Variants in DHX15 observed in about 807,000 individuals in gnomAD.
DHX15 encodes the protein ATP-dependent RNA helicase DHX15.
DHX15 carries 11 observed loss-of-function variants against 94.4 expected under a neutral mutation model. That is an observed-to-expected ratio of 0.12 (90% CI 0.07 to 0.19). The LOEUF (loss-of-function observed/expected upper bound fraction) is 0.19, where lower values mean the gene tolerates loss of function less well. Among genes scored for constraint, DHX15 ranks in the 10% least tolerant of loss-of-function variants. DHX15 has a pLI of 1.00. For synonymous variants in DHX15, 338 were observed against 329.9 expected, an observed-to-expected ratio of 1.02 and a Z score of -0.27; for missense variants, 304 against 988.5, an observed-to-expected ratio of 0.31 and a Z score of 9.29.
chr4:24,575,046 A>C (rs943887421), intron 2 of DHX15, among the ~76,000 whole-genome samples: 2 of 152,182 alleles, frequency 1.3e-5, no homozygotes, highest in South Asian at 2.1e-4. Flanking sequence ...GATCCCAGCT[A>C]CTTGGGAGGC....
intron 10 of DHX15, chr4:24,539,252 A>G (rs1314803697): frequency 6.6e-6 from 1 of 152,170 alleles, no homozygotes; most frequent in Non-Finnish European, 1.5e-5. Context: ...TATTTGCAGC[A>G]TTAAGTTCAA....
At chr4:24,574,408 A>G (rs1289759349) in intron 2 of DHX15, among the ~76,000 whole-genome samples, 2 of 152,036 alleles carry the variant, frequency 1.3e-5, no homozygotes, top group East Asian at 3.9e-4. Context: ...ATGTGCTGCA[A>G]TCCTCAGTAT....
In DHX15 at chr4:24,584,418, T is replaced by C; in HGVS notation, c.-25A>G. On this transcript the variant is annotated 5_prime_UTR_variant, in exon 1 of 14. It adds an upstream start codon to the 5' untranslated region. Transcript: ENST00000336812. The stretch of plus-strand genomic sequence containing the variant: ...TCCTCGCACTCTTCGAACGGGCAGT[T>C]ATTAAGGAAGAAAGCTGGCTGCTGT... 6.2e-7 allele frequency: 1 copy of C among 1,607,112 alleles called. No individual in the cohort carries two copies. Among genetic ancestry groups the C allele is most frequent in the Non-Finnish European group, 8.5e-7 (1 of 1,177,142 alleles).
intron 5 of DHX15, among the ~76,000 whole-genome samples, chr4:24,553,182 A>G (rs1721649516): frequency 6.6e-6 from 1 of 152,114 alleles, no homozygotes; most frequent in South Asian, 2.1e-4. Context: ...TTAGTTGGGC[A>G]TGGTGGCGCA....
intron 8 of DHX15, among the ~76,000 whole-genome samples, chr4:24,541,512 T>G (rs1310610572): frequency 6.6e-6 from 1 of 151,838 alleles, no homozygotes; most frequent in Non-Finnish European, 1.5e-5. Flanking sequence ...TGAAAGTTAG[T>G]AAGGAAAGAA....
Position 24,554,929 on chromosome 4 carries a change from G to A in DHX15, c.876C>T (p.Ser292=), listed in dbSNP as rs201386143. 67 of 1,612,986 alleles carry A rather than the reference G, an allele frequency of 4.2e-5. 1 individual carries two copies. The African/African-American group carries it at 4.8e-4, about 12-fold the overall frequency. The part of the protein sequence containing the change: ...QRSDLKVIVM[S]ATLDAGKFQI... ...GGAATTTTCCTGCATCTAGAGTAGC[G>A]CTCATAACTATAACCTGAAAGAAAA... Residue 292 remains serine (S), a synonymous_variant, in exon 5 of 14, where the codon AGC becomes AGT. Coordinates refer to ENST00000336812, the MANE Select transcript of DHX15 (RefSeq NM_001358.3).
At chr4:24,553,358 AAAATAT>A (rs1721654668) in intron 5 of DHX15, among the ~76,000 whole-genome samples, 1 of 152,068 alleles carries the variant, frequency 6.6e-6, no homozygotes, top group African/African-American at 2.4e-5. Context: ...AATAAAAATA[AAAATAT>A]ACTATGCACT....
At chr4:24,579,870 A>G (rs1167626683) in intron 1 of DHX15, among the ~76,000 whole-genome samples, 2 of 152,080 alleles carry the variant, frequency 1.3e-5, no homozygotes, top group African/African-American at 4.8e-5. Flanking sequence ...GTTTCAAGCG[A>G]TTCTCCTGCC....
chr4:24,574,205 C>CAAAAAAAAAAAAAAA (rs61031930), intron 2 of DHX15, among the ~76,000 whole-genome samples: 2,440 of 68,708 alleles, frequency 0.036, 337 homozygotes, highest in Non-Finnish European at 0.046. Context: ...GACTTTGTCT[C>CAAAAAAAAAAAAAAA]AAAAAAAAAA....
chr4:24,559,017 G>A (rs1040107808), intron 3 of DHX15, among the ~76,000 whole-genome samples: 6 of 152,104 alleles, frequency 3.9e-5, no homozygotes, highest in African/African-American at 1.2e-4. Flanking sequence ...ACCTATCAAC[G>A]TGACATTACT....
intron 3 of DHX15, among the ~76,000 whole-genome samples, chr4:24,557,292 G>A (rs1291426251): frequency 6.6e-6 from 1 of 152,154 alleles, no homozygotes; most frequent in South Asian, 2.1e-4. Context: ...AACACAGGAT[G>A]CCTTTAGATG....
chr4:24,577,868 A>C (rs980575264), intron 1 of DHX15, among the ~76,000 whole-genome samples: 1 of 152,208 alleles, frequency 6.6e-6, no homozygotes, highest in Non-Finnish European at 1.5e-5. Flanking sequence ...AATTTGCCTC[A>C]AGATCTTTAA....
intron 6 of DHX15, among the ~76,000 whole-genome samples, chr4:24,547,378 C>T (rs576217767): frequency 3.5e-4 from 53 of 152,190 alleles, no homozygotes; most frequent in Non-Finnish European, 5.3e-4. Context: ...ACAAAATTCT[C>T]CTCAGCATCC....
intron 1 of DHX15, among the ~76,000 whole-genome samples, chr4:24,580,056 G>A (rs921442017): frequency 1.3e-5 from 2 of 152,064 alleles, no homozygotes; most frequent in East Asian, 1.9e-4. Flanking sequence ...GAGCCACCGC[G>A]CCCCACCAAT....
chr4:24,582,243 T>C (rs1037666845), intron 1 of DHX15, among the ~76,000 whole-genome samples: 2 of 152,236 alleles, frequency 1.3e-5, no homozygotes, highest in Non-Finnish European at 2.9e-5. Context: ...CCCTCTACTA[T>C]TTCTTATAAC....
At chr4:24,560,343 C>T (rs1294383627) in intron 3 of DHX15, among the ~76,000 whole-genome samples, 1 of 151,896 alleles carries the variant, frequency 6.6e-6, no homozygotes, top group Non-Finnish European at 1.5e-5. Context: ...CTTATGATCC[C>T]TCCCCAGTAA....
intron 3 of DHX15, among the ~76,000 whole-genome samples, chr4:24,566,943 A>G (rs1722006556): frequency 6.6e-6 from 1 of 152,180 alleles, no homozygotes; most frequent in Non-Finnish European, 1.5e-5. Context: ...CAAACTTTTT[A>G]TTTACATTTT....
At chr4:24,564,445 G>C (rs910273624) in intron 3 of DHX15, among the ~76,000 whole-genome samples, 3 of 152,124 alleles carry the variant, frequency 2.0e-5, no homozygotes, top group Non-Finnish European at 2.9e-5. Context: ...GGAAAGGATT[G>C]ATACTATTTG....
chr4:24,527,484 A>G lies in DHX15; in HGVS notation c.*440T>C, dbSNP rs1720983555. 2 of 153,842 alleles carry G rather than the reference A, an allele frequency of 1.3e-5. No homozygotes were observed. 9.5% of individuals were successfully genotyped at this position (153,842 alleles called of 1,614,324 possible). A position where few individuals can be genotyped will look rare whatever the true frequency, so the allele number is the denominator to read the frequency against. On this transcript the variant is annotated 3_prime_UTR_variant, in exon 14 of 14. Coordinates refer to ENST00000336812, the MANE Select transcript of DHX15 (RefSeq NM_001358.3). ...AGGGCTTTGGCCAAAATTAGTATAA[A>G]TAGACTTTATTGAAGTCAGTGCCTC...
Sources: gnomAD v4.1 joint callset for allele counts (sites outside exome capture counted in the v4.1 genomes callset) on GRCh38, gnomAD v4.1.1 for gene constraint, MANE v1.5 for transcripts, NCBI Gene and HGNC (gene_info 2026-07-23, HGNC 2026-07-21) for gene names.